Variants in ENOX2 observed in about 807,000 individuals in gnomAD.
ENOX2 encodes ecto-NOX disulfide-thiol exchanger 2.
Under a neutral mutation model 45.0 loss-of-function variants are expected in ENOX2, and 36 were observed. The observed-to-expected ratio is 0.80, with a 90% CI of 0.61 to 1.06. The LOEUF is 1.06. Ranked by LOEUF, ENOX2 falls within the 50% of genes least tolerant of loss-of-function variation. The probability of loss-of-function intolerance (pLI) is 0.00; values close to 1 mark genes in which losing one functional copy is unlikely to be tolerated. For missense variants in ENOX2, 423 were observed against 462.5 expected (o/e 0.91, Z 0.78); for synonymous variants, 174 against 152.3 (o/e 1.14, Z -1.05).
chrX:130,699,707 G>A (rs192473341), intron 4 of ENOX2, among the ~76,000 whole-genome samples: 4 of 111,599 alleles, frequency 3.6e-5, no homozygotes, highest in Non-Finnish European at 7.5e-5. Context: ...TTGGAGTGTC[G>A]TGCCAACCTT....
chrX:130,679,012 A>G (rs2037228318), intron 6 of ENOX2, among the ~76,000 whole-genome samples: 1 of 111,444 alleles, frequency 9.0e-6, no homozygotes, highest in Non-Finnish European at 1.9e-5. Flanking sequence ...CAGTTCTAGC[A>G]TGGTACAGTA....
intron 9 of ENOX2, among the ~76,000 whole-genome samples, chrX:130,664,356 C>T (rs982212996): frequency 3.6e-5 from 4 of 112,200 alleles, no homozygotes; most frequent in African/African-American, 9.7e-5. Context: ...ATAACTAGCT[C>T]GAGACCACAA....
intron 10 of ENOX2, among the ~76,000 whole-genome samples, chrX:130,654,105 C>A (rs2148077164): frequency 8.9e-6 from 1 of 112,026 alleles, no homozygotes; most frequent in East Asian, 2.8e-4. Flanking sequence ...AAGGGAAGAG[C>A]TTTTCTTATG....
chrX:130,670,078 C>T lies in ENOX2; in HGVS notation c.581G>A (p.Arg194Lys). ...CATTCTTCTACGATGGCGCTCCTCT[C>T]TGGCTAGCATACGCTGTTTACACTC... ...EWECKQRMLA[R>K]EERHRRRMEE... The change falls in exon 7 of 15, where the codon AGA (arginine) becomes AAA (lysine). Residue 194 changes from arginine to lysine, a missense_variant. Arg to Lys is a conservative substitution (Grantham distance 26). Coordinates refer to ENST00000394363, the MANE Select transcript of ENOX2 (RefSeq NM_006375.4). 1 of 1,210,933 alleles carries T rather than the reference C, an allele frequency of 8.3e-7. No individual in the cohort carries two copies. The highest frequency in any genetic ancestry group is 3.0e-5 in the East Asian group (1 of 33,837).
At chrX:130,740,180 C>A (rs747164413) in intron 3 of ENOX2, among the ~76,000 whole-genome samples, 1 of 111,677 alleles carries the variant, frequency 9.0e-6, no homozygotes, top group East Asian at 2.8e-4. Context: ...GTGGGTGGAT[C>A]GCCTGAGGCC....
chrX:130,883,237 C>T (rs939849596), intron 2 of ENOX2, among the ~76,000 whole-genome samples: 2 of 111,006 alleles, frequency 1.8e-5, no homozygotes, highest in African/African-American at 6.6e-5. Flanking sequence ...CAGGCTCCCA[C>T]GTAGCTGAGA....
At chrX:130,780,153 G>T (rs1183524905) in intron 3 of ENOX2, among the ~76,000 whole-genome samples, 1 of 111,049 alleles carries the variant, frequency 9.0e-6, no homozygotes, top group Non-Finnish European at 1.9e-5. Context: ...ACTTGTTTTG[G>T]GGAGTAGCAG....
intron 3 of ENOX2, among the ~76,000 whole-genome samples, chrX:130,709,806 GT>G (rs1327102927): frequency 1.8e-5 from 2 of 109,045 alleles, no homozygotes; most frequent in African/African-American, 6.7e-5. Flanking sequence ...TGGGATACAT[GT>G]GCGAATGTGC....
chrX:130,732,698 T>TCACACACA (rs201498808), intron 3 of ENOX2, among the ~76,000 whole-genome samples: 1 of 99,938 alleles, frequency 1.0e-5, no homozygotes, highest in East Asian at 3.1e-4. Context: ...ATAAATCCAT[T>TCACACACA]CACACACACA....
intron 2 of ENOX2, among the ~76,000 whole-genome samples, chrX:130,837,572 T>A (rs2077949045): frequency 9.0e-6 from 1 of 111,674 alleles, no homozygotes; most frequent in African/African-American, 3.3e-5. Context: ...CCTTGCTTCA[T>A]AAGAACACCC....
At chrX:130,657,515 G>A (rs1603298297) in intron 9 of ENOX2, among the ~76,000 whole-genome samples, 1 of 111,760 alleles carries the variant, frequency 8.9e-6, no homozygotes, top group Non-Finnish European at 1.9e-5. Flanking sequence ...TAGAGGCAGG[G>A]GGAAAGAACT....
intron 3 of ENOX2, among the ~76,000 whole-genome samples, chrX:130,733,355 T>C (rs941213397): frequency 1.8e-5 from 2 of 110,564 alleles, no homozygotes; most frequent in African/African-American, 3.3e-5. Flanking sequence ...AATGGCTTTT[T>C]TTTTTTTTTA....
At chrX:130,738,494 T>C (rs1034365837) in intron 3 of ENOX2, among the ~76,000 whole-genome samples, 3 of 112,304 alleles carry the variant, frequency 2.7e-5, no homozygotes, top group Non-Finnish European at 3.8e-5. Flanking sequence ...CTGTGTTATT[T>C]TGACTAAGTC....
At chrX:130,691,617 CTG>C (rs1345731714) in intron 4 of ENOX2, among the ~76,000 whole-genome samples, 1 of 112,676 alleles carries the variant, frequency 8.9e-6, no homozygotes, top group Admixed American at 9.4e-5. Context: ...CATTTACAAA[CTG>C]TTATTTTTCG....
chrX:130,746,470 T>C (rs1419337583), intron 3 of ENOX2, among the ~76,000 whole-genome samples: 1 of 111,883 alleles, frequency 8.9e-6, no homozygotes, highest in Non-Finnish European at 1.9e-5. Flanking sequence ...TTTTAGCTAT[T>C]GAGGATAGTA....
intron 10 of ENOX2, chrX:130,645,683 G>A: frequency 1.8e-6 from 1 of 563,706 alleles, no homozygotes; most frequent in Non-Finnish European, 2.8e-6. Flanking sequence ...GGCCTGCTGC[G>A]TTTCATGCCC....
At chrX:130,659,981 T>A (rs944176031) in intron 9 of ENOX2, among the ~76,000 whole-genome samples, 1 of 111,972 alleles carries the variant, frequency 8.9e-6, no homozygotes. Flanking sequence ...TCTTCAAAAA[T>A]CCCTGGAAAT....
rs182578392 is a variant in ENOX2, at chrX:130,710,458, T to C, written c.-38-7204A>G. Among the ~76,000 whole-genome samples, 17 of 112,100 alleles carry C rather than the reference T, an allele frequency of 1.5e-4. 1 individual carries two copies. The East Asian group carries it at 4.2e-3, about 28-fold the overall frequency. ...CATTTGGCAGTATCTGGAGACATTT[T>C]TGATTGTCATACCTGGCAGCAGGTA... On this transcript the variant is annotated intron_variant, in intron 3 of 14. Coordinates refer to ENST00000394363, the MANE Select transcript of ENOX2 (RefSeq NM_006375.4).
intron 2 of ENOX2, among the ~76,000 whole-genome samples, chrX:130,877,667 TGG>T (rs907501677): frequency 8.9e-6 from 1 of 112,038 alleles, no homozygotes; most frequent in African/African-American, 3.2e-5. Context: ...TAAAACCTCA[TGG>T]GGAGTCGTCT....
Sources: gnomAD v4.1 joint callset for allele counts (sites outside exome capture counted in the v4.1 genomes callset) on GRCh38, gnomAD v4.1.1 for gene constraint, MANE v1.5 for transcripts, NCBI Gene and HGNC (gene_info 2026-07-23, HGNC 2026-07-21) for gene names.